The following IGSF21 variants were observed in gnomAD, a reference collection of about 807,000 sequenced individuals.
IGSF21 encodes the protein immunoglobin superfamily member 21, also known as immunoglobulin superfamily member 21.
In IGSF21, 28 loss-of-function variants were observed where a neutral mutation model predicts 46.8. That is an observed-to-expected ratio of 0.60 (90% CI 0.44 to 0.82). The LOEUF is 0.82. Ranked by LOEUF, IGSF21 falls within the 40% of genes least tolerant of loss-of-function variation. The probability of loss-of-function intolerance (pLI) is 0.00; values close to 1 mark genes in which losing one functional copy is unlikely to be tolerated. For synonymous variants in IGSF21, 284 were observed against 273.6 expected, an observed-to-expected ratio of 1.04 and a Z score of -0.38; for missense variants, 624 against 665.5, an observed-to-expected ratio of 0.94 and a Z score of 0.69.
chr1:18,227,266 G>T (rs1465413118), intron 1 of IGSF21, among the ~76,000 whole-genome samples: 1 of 152,034 alleles, frequency 6.6e-6, no homozygotes, highest in African/African-American at 2.4e-5. Flanking sequence ...GTTTCCCAGG[G>T]CTCTCTTTTT....
At chr1:18,152,725 CT>C (rs1557559661) in intron 1 of IGSF21, among the ~76,000 whole-genome samples, 1 of 152,162 alleles carries the variant, frequency 6.6e-6, no homozygotes, top group Non-Finnish European at 1.5e-5. Context: ...TTTTGCCCTT[CT>C]CATCATGCAT....
chr1:18,350,234 G>A (rs1456712485), intron 4 of IGSF21, among the ~76,000 whole-genome samples: 19 of 152,226 alleles, frequency 1.2e-4, no homozygotes. Context: ...TGCCTCAAGA[G>A]CCAGATGGGC....
chr1:18,186,362 TGAA>T (rs1206877620), intron 1 of IGSF21, among the ~76,000 whole-genome samples: 2 of 152,100 alleles, frequency 1.3e-5, no homozygotes, highest in African/African-American at 4.8e-5. Context: ...CTAAAGCAAT[TGAA>T]GAAGAAGATG....
intron 1 of IGSF21, among the ~76,000 whole-genome samples, chr1:18,180,808 C>T (rs908784145): frequency 1.3e-5 from 2 of 152,106 alleles, no homozygotes; most frequent in Admixed American, 1.3e-4. Flanking sequence ...CAGTATTATC[C>T]CCACTTCACA....
chr1:18,264,441 A>G (rs1014906021), intron 2 of IGSF21, among the ~76,000 whole-genome samples: 1 of 152,200 alleles, frequency 6.6e-6, no homozygotes, highest in Non-Finnish European at 1.5e-5. Flanking sequence ...TCTCAACAAG[A>G]TAGTCTGTGC....
intron 1 of IGSF21, among the ~76,000 whole-genome samples, chr1:18,215,222 C>A (rs1396830490): frequency 6.6e-6 from 1 of 152,196 alleles, no homozygotes; most frequent in Non-Finnish European, 1.5e-5. Flanking sequence ...ACCTGTAGAA[C>A]TTATTAGTTC....
chr1:18,117,457 T>C (rs1311940265), intron 1 of IGSF21, among the ~76,000 whole-genome samples: 2 of 152,220 alleles, frequency 1.3e-5, no homozygotes, highest in Non-Finnish European at 2.9e-5. Flanking sequence ...CCTCCACCAC[T>C]TGTCCAATTT....
chr1:18,318,582 C>T (rs1222192491), intron 3 of IGSF21, among the ~76,000 whole-genome samples: 5 of 152,102 alleles, frequency 3.3e-5, no homozygotes, highest in Non-Finnish European at 7.4e-5. Context: ...TGGGCACTCA[C>T]CCATTCAGGT....
intron 2 of IGSF21, among the ~76,000 whole-genome samples, chr1:18,280,718 G>A (rs2085150606): frequency 6.6e-6 from 1 of 152,094 alleles, no homozygotes; most frequent in South Asian, 2.1e-4. Flanking sequence ...GACTCCACAT[G>A]TGTGAGCCAT....
intron 1 of IGSF21, among the ~76,000 whole-genome samples, chr1:18,132,802 G>A (rs1277769625): frequency 1.3e-5 from 2 of 151,896 alleles, no homozygotes; most frequent in Non-Finnish European, 1.5e-5. Flanking sequence ...CCCTTAAAAG[G>A]TGTCCTGCCA....
At chr1:18,125,092 C>T (rs2086264728) in intron 1 of IGSF21, among the ~76,000 whole-genome samples, 1 of 152,154 alleles carries the variant, frequency 6.6e-6, no homozygotes, top group African/African-American at 2.4e-5. Flanking sequence ...GAGGGACTCA[C>T]TGGAGAGACA....
intron 2 of IGSF21, among the ~76,000 whole-genome samples, chr1:18,240,046 G>A (rs531675118): frequency 3.3e-5 from 5 of 152,344 alleles, no homozygotes; most frequent in Non-Finnish European, 7.3e-5. Context: ...GGAAAGCTGA[G>A]AAGGATAGAT....
At chr1:18,198,067 T>C (rs2087027099) in intron 1 of IGSF21, among the ~76,000 whole-genome samples, 1 of 152,260 alleles carries the variant, frequency 6.6e-6, no homozygotes, top group Admixed American at 6.5e-5. Context: ...TTTCTCTGGC[T>C]CTTTGCAGAA....
intron 3 of IGSF21, among the ~76,000 whole-genome samples, chr1:18,299,401 C>G (rs1557631875): frequency 6.6e-6 from 1 of 152,178 alleles, no homozygotes; most frequent in African/African-American, 2.4e-5. Flanking sequence ...AGACCAAACT[C>G]TTTTTTTACA....
At chr1:18,339,358 A>C (rs1383036515) in intron 4 of IGSF21, among the ~76,000 whole-genome samples, 1 of 152,120 alleles carries the variant, frequency 6.6e-6, no homozygotes, top group Admixed American at 6.5e-5. Flanking sequence ...AGTCACACAA[A>C]CCTCAAACAA....
At chr1:18,236,854 G>A (rs1191207756) in intron 2 of IGSF21, among the ~76,000 whole-genome samples, 1 of 152,192 alleles carries the variant, frequency 6.6e-6, no homozygotes, top group Non-Finnish European at 1.5e-5. Flanking sequence ...CATGAACTTG[G>A]TAACATATGG....
rs35745482 is a variant in IGSF21 at position 18,209,621 on chromosome 1, A to ATTT, written c.71-18259_71-18257dup. ...AGGCGCCCGCCACCACACCTGGCTA[A>ATTT]TTTTTTTTTTTTTTTTTTTTAGTAG... On this transcript the variant is annotated intron_variant, in intron 1 of 9. Coordinates refer to ENST00000251296, the MANE Select transcript of IGSF21 (RefSeq NM_032880.5). 7.1e-3 allele frequency among the ~76,000 whole-genome samples: 948 copies of ATTT among 133,820 alleles called. 12 individuals carry two copies. The highest frequency in any genetic ancestry group is 0.024 in the African/African-American group (865 of 35,776). 87.8% of individuals were successfully genotyped at this position (133,820 alleles called of 152,430 possible). A position where few individuals can be genotyped will look rare whatever the true frequency, so the allele number is the denominator to read the frequency against.
intron 1 of IGSF21, among the ~76,000 whole-genome samples, chr1:18,191,290 A>G (rs1424141411): frequency 6.6e-6 from 1 of 152,106 alleles, no homozygotes; most frequent in East Asian, 1.9e-4. Flanking sequence ...CCAGGTTACT[A>G]TGGGGATCCC....
intron 1 of IGSF21, among the ~76,000 whole-genome samples, chr1:18,211,939 T>TTC (rs2084396732): frequency 6.6e-6 from 1 of 152,212 alleles, no homozygotes. Context: ...CAGCCACTGG[T>TTC]GACTGCCCAG....
Sources: allele counts gnomAD v4.1 joint callset (sites outside exome capture counted in the v4.1 genomes callset), GRCh38; gene constraint gnomAD v4.1.1; transcripts MANE v1.5; gene names NCBI Gene and HGNC (gene_info 2026-07-23, HGNC 2026-07-21).